Variants in GFM1 observed in about 807,000 individuals in gnomAD.
GFM1 encodes elongation factor G, mitochondrial.
A neutral mutation model predicts 96.2 loss-of-function variants in GFM1; 62 were observed. The ratio of observed to expected loss-of-function variants is 0.64; its 90% CI spans 0.53 to 0.80. The LOEUF (loss-of-function observed/expected upper bound fraction) is 0.80, where lower values mean the gene tolerates loss of function less well. GFM1 is among the 30% of genes least tolerant of loss of function. The probability of loss-of-function intolerance (pLI) is 0.00; values close to 1 mark genes in which losing one functional copy is unlikely to be tolerated. For synonymous variants in GFM1, 282 were observed against 312.9 expected, an observed-to-expected ratio of 0.90 and a Z score of 1.04; for missense variants, 852 against 916.6, an observed-to-expected ratio of 0.93 and a Z score of 0.91.
At chr3:158,662,869 T>C (rs922959259) in intron 11 of GFM1, among the ~76,000 whole-genome samples, 185 bp downstream of exon 11, 3 of 152,184 alleles carry the variant, frequency 2.0e-5, no homozygotes, top group Admixed American at 6.5e-5. Context: ...CTCAGTATAT[T>C]TGAAGAAATG....
chr3:158,672,350 C>T (rs764241465), intron 13 of GFM1: 2 of 1,613,640 alleles, frequency 1.2e-6, no homozygotes, highest in Non-Finnish European at 1.7e-6. Context: ...CTAAACTCAC[C>T]TCCATGCTGG....
intron 13 of GFM1, among the ~76,000 whole-genome samples, chr3:158,679,588 C>G (rs187936700): frequency 2.0e-5 from 3 of 152,302 alleles, no homozygotes; most frequent in Admixed American, 6.5e-5. Flanking sequence ...GGTTAGTTCT[C>G]CTCTTAAGGC....
At chr3:158,648,484 C>G (rs1195116836) in intron 4 of GFM1, among the ~76,000 whole-genome samples, 2 of 152,102 alleles carry the variant, frequency 1.3e-5, no homozygotes, top group African/African-American at 4.8e-5. Flanking sequence ...CAAGACCAGC[C>G]TGGTCAACAT....
intron 13 of GFM1, chr3:158,669,606 A>G: frequency 6.2e-7 from 1 of 1,613,152 alleles, no homozygotes; most frequent in Non-Finnish European, 8.5e-7. Flanking sequence ...GTTCACCTTA[A>G]CTTGCTGTTT....
At chr3:158,657,226 G>A (rs1253401242) in intron 8 of GFM1, 1 of 152,084 alleles carries the variant, frequency 6.6e-6, no homozygotes, top group Non-Finnish European at 1.5e-5. Context: ...TAATTAAAAA[G>A]TGGAAATAAC....
Position 158,646,738 on chromosome 3 carries a change from T to C in GFM1, c.368-5T>C. On this transcript the variant is annotated splice_polypyrimidine_tract_variant and splice_region_variant and intron_variant, in intron 3 of 17. Coordinates refer to ENST00000486715, the MANE Select transcript of GFM1 (RefSeq NM_024996.7). ...TAAGACCCTCTCATACTTCATCTTA[T>C]TCAGGGCATGTGGACTTCACAATAG... The C allele has an allele frequency of 6.2e-7, 1 of 1,611,582 alleles. No homozygotes were observed. Among genetic ancestry groups the C allele is most frequent in the Non-Finnish European group, 8.5e-7 (1 of 1,178,736 alleles).
At chr3:158,663,873 G>C (rs1723396305) in intron 11 of GFM1, among the ~76,000 whole-genome samples, 2 of 152,196 alleles carry the variant, frequency 1.3e-5, no homozygotes, top group South Asian at 2.1e-4. Context: ...GCTGGAGTAA[G>C]TTAATTTAAA....
intron 13 of GFM1, among the ~76,000 whole-genome samples, chr3:158,679,041 A>G (rs1725145973): frequency 6.6e-6 from 1 of 152,140 alleles, no homozygotes; most frequent in African/African-American, 2.4e-5. Context: ...AGCCACCTCA[A>G]CCTGCAGCAG....
At chr3:158,662,479 C>T (rs1048583720) in intron 10 of GFM1, 149 bp from the exon 11 acceptor site, 4 of 607,016 alleles carry the variant, frequency 6.6e-6, no homozygotes, top group African/African-American at 5.6e-5. Flanking sequence ...TAATGCAAAA[C>T]AGATCAAGAT....
At chr3:158,662,758 C>G in intron 11 of GFM1, 74 bp downstream of exon 11, 1 of 863,926 alleles carries the variant, frequency 1.2e-6, no homozygotes. Context: ...CTACAATGCA[C>G]TTGATATCTT....
At chr3:158,662,815 A>C in intron 11 of GFM1, 131 bp downstream of exon 11, 1 of 706,174 alleles carries the variant, frequency 1.4e-6, no homozygotes, top group Non-Finnish European at 2.6e-6. Context: ...GTTGGTATTG[A>C]GATCTTCTTT....
chr3:158,665,529 TAA>T, intron 12 of GFM1, 55 bp downstream of exon 12: 1 of 1,448,242 alleles, frequency 6.9e-7, no homozygotes, highest in Non-Finnish European at 9.7e-7. Context: ...TCTGTTTCAT[TAA>T]AAGTCAATAA....
At chr3:158,673,190 TAAA>T (rs942361539) in intron 13 of GFM1, among the ~76,000 whole-genome samples, 6 of 152,070 alleles carry the variant, frequency 3.9e-5, no homozygotes, top group Non-Finnish European at 8.8e-5. Flanking sequence ...TCAGGAGAAA[TAAA>T]AAAATGCACC....
intron 13 of GFM1, among the ~76,000 whole-genome samples, chr3:158,680,620 G>T (rs1725293792): frequency 6.6e-6 from 1 of 152,150 alleles, no homozygotes; most frequent in Non-Finnish European, 1.5e-5. Flanking sequence ...ACCACTTAAT[G>T]CTCTGTCACA....
intron 4 of GFM1, 81 bp downstream of exon 4, chr3:158,647,028 G>A: frequency 9.2e-7 from 1 of 1,081,814 alleles, no homozygotes; most frequent in Non-Finnish European, 1.4e-6. Flanking sequence ...TTAATTCACT[G>A]TCATTAAACT....
chr3:158,665,142 T>C (rs1723535735), intron 11 of GFM1, among the ~76,000 whole-genome samples, 195 bp from the exon 12 acceptor site: 1 of 152,224 alleles, frequency 6.6e-6, no homozygotes, highest in African/African-American at 2.4e-5. Flanking sequence ...TTCAGTGAGC[T>C]ATTCCCTGCT....
chr3:158,675,469 A>G (rs1462599312), intron 13 of GFM1, among the ~76,000 whole-genome samples: 1 of 151,964 alleles, frequency 6.6e-6, no homozygotes, highest in African/African-American at 2.4e-5. Context: ...AGTTGATTAT[A>G]TGTCTTCCAG....
intron 13 of GFM1, among the ~76,000 whole-genome samples, chr3:158,678,360 T>G (rs1269087143): frequency 1.3e-5 from 2 of 152,176 alleles, no homozygotes; most frequent in African/African-American, 4.8e-5. Context: ...CGAAGTAAAT[T>G]GAAAACCTTC....
rs1363104858 is a variant in GFM1 at position 158,694,496 on chromosome 3, TTGA to T, written c.*3036_*3038del. 1.3e-5 allele frequency among the ~76,000 whole-genome samples: 2 copies of T among 152,138 alleles called. No homozygotes were observed. The highest frequency in any genetic ancestry group is 2.9e-5 in the Non-Finnish European group (2 of 68,016). On this transcript the variant is annotated 3_prime_UTR_variant, in exon 18 of 18. Coordinates refer to ENST00000486715, the MANE Select transcript of GFM1 (RefSeq NM_024996.7). ...ACTAATGGGTACTAGGCTTAATACC[TTGA>T]TGATGAAATAATCTGTACAACAAAC...
Sources: allele counts gnomAD v4.1 joint callset (sites outside exome capture counted in the v4.1 genomes callset), GRCh38; gene constraint gnomAD v4.1.1; transcripts MANE v1.5; gene names NCBI Gene and HGNC (gene_info 2026-07-23, HGNC 2026-07-21).